TIPIN: variants seen among roughly 807,000 people sequenced by gnomAD.
TIPIN encodes the protein TIMELESS-interacting protein.
In TIPIN, 29 loss-of-function variants were observed where a neutral mutation model predicts 35.6. That is an observed-to-expected ratio of 0.82 (90% CI 0.61 to 1.11). The LOEUF (loss-of-function observed/expected upper bound fraction) is 1.11, where lower values mean the gene tolerates loss of function less well. Ranked by LOEUF, TIPIN falls within the 50% of genes most tolerant of loss-of-function variation. The probability of loss-of-function intolerance (pLI) is 0.00; values close to 1 mark genes in which losing one functional copy is unlikely to be tolerated. For synonymous variants in TIPIN, 102 were observed against 121.5 expected, an observed-to-expected ratio of 0.84 and a Z score of 1.06; for missense variants, 296 against 345.4, an observed-to-expected ratio of 0.86 and a Z score of 1.13.
At chr15:66,359,134 AGAGT>A (rs2093220067), upstream of TIPIN, among the ~76,000 whole-genome samples, 1 of 149,734 alleles carries the variant, frequency 6.7e-6, no homozygotes, top group Admixed American at 6.7e-5. Context: ...CCTGGGTAAC[AGAGT>A]GAGACCCTGT....
chr15:66,364,970 A>AAAAAAG (rs1555409818), intron 1 of TIPIN, among the ~76,000 whole-genome samples: 11 of 137,680 alleles, frequency 8.0e-5, no homozygotes, highest in Non-Finnish European at 1.1e-4. Context: ...CCATCTCAAA[A>AAAAAAG]AAAAAGAAAA....
At chr15:66,374,293 G>A (rs913544254) in intron 1 of TIPIN, among the ~76,000 whole-genome samples, 2 of 141,686 alleles carry the variant, frequency 1.4e-5, no homozygotes, top group East Asian at 1.9e-4. Flanking sequence ...CTTACACTGC[G>A]GTTTTAATTT....
chr15:66,346,958 AT>A (rs993127499), intron 6 of TIPIN, among the ~76,000 whole-genome samples: 9 of 151,676 alleles, frequency 5.9e-5, no homozygotes, highest in Non-Finnish European at 8.8e-5. Flanking sequence ...CACCCGGCTA[AT>A]TTTTTTTATT....
At chr15:66,365,708 G>A (rs535508297) in intron 1 of TIPIN, among the ~76,000 whole-genome samples, 10 of 152,080 alleles carry the variant, frequency 6.6e-5, no homozygotes, top group African/African-American at 1.2e-4. Flanking sequence ...CACCATGCCC[G>A]GCTAATTTTT....
chr15:66,369,681 C>G (rs1002507430), intron 1 of TIPIN, among the ~76,000 whole-genome samples: 1 of 152,182 alleles, frequency 6.6e-6, no homozygotes, highest in African/African-American at 2.4e-5. Context: ...GAACTCATGA[C>G]TATATGCCAT....
intron 1 of TIPIN, among the ~76,000 whole-genome samples, chr15:66,369,856 G>T (rs914567165): frequency 3.9e-5 from 6 of 152,244 alleles, no homozygotes; most frequent in Admixed American, 3.3e-4. Flanking sequence ...CCTGATCACT[G>T]TAGCTCAAAT....
At chr15:66,382,650 C>T (rs563137006) in intron 1 of TIPIN, among the ~76,000 whole-genome samples, 13 of 152,134 alleles carry the variant, frequency 8.5e-5, no homozygotes, top group Non-Finnish European at 7.3e-5. Flanking sequence ...GCTGGGATTA[C>T]GGGAGTGACA....
intron 4 of TIPIN, 134 bp downstream of exon 4, chr15:66,351,391 A>C: frequency 1.4e-6 from 1 of 713,280 alleles, no homozygotes; most frequent in Non-Finnish European, 2.5e-6. Flanking sequence ...CTAGTACATC[A>C]CAACTGTTTC....
intron 6 of TIPIN, chr15:66,347,245 A>G: frequency 1.9e-6 from 1 of 518,872 alleles, no homozygotes; most frequent in Non-Finnish European, 3.8e-6. Flanking sequence ...TGATAACTAT[A>G]CAGACCCTGT....
chr15:66,359,768 T>G (rs571051058), upstream of TIPIN, among the ~76,000 whole-genome samples: 5 of 152,194 alleles, frequency 3.3e-5, no homozygotes, highest in Non-Finnish European at 5.9e-5. Context: ...ACTAATAAAG[T>G]AAATGTAAAA....
upstream of TIPIN, among the ~76,000 whole-genome samples, chr15:66,359,168 C>CACAG (rs1430882916): frequency 8.7e-6 from 1 of 114,464 alleles, no homozygotes; most frequent in Non-Finnish European, 1.7e-5. Context: ...CACACACACA[C>CACAG]ACACAGACAC....
At chr15:66,374,703 C>A (rs1180994969) in intron 1 of TIPIN, among the ~76,000 whole-genome samples, 1 of 152,180 alleles carries the variant, frequency 6.6e-6, no homozygotes, top group African/African-American at 2.4e-5. Flanking sequence ...CCTCACCCTT[C>A]CAAGTAGCTG....
At chr15:66,379,630 A>T in intron 1 of TIPIN, 1 of 1,609,368 alleles carries the variant, frequency 6.2e-7, no homozygotes, top group East Asian at 2.2e-5. Flanking sequence ...AAGTAAGCAT[A>T]CACAGACCTC....
At chr15:66,381,549 G>A (rs2093318655) in intron 1 of TIPIN, among the ~76,000 whole-genome samples, 1 of 152,104 alleles carries the variant, frequency 6.6e-6, no homozygotes, top group South Asian at 2.1e-4. Flanking sequence ...TTCTTGTCCA[G>A]TATTTCATCA....
intron 1 of TIPIN, chr15:66,379,162 C>A: frequency 1.2e-6 from 1 of 855,576 alleles, no homozygotes; most frequent in Non-Finnish European, 1.7e-6. Context: ...ATGCTGGAAT[C>A]ACAGGCATGA....
chr15:66,365,139 T>G (rs2093248706), intron 1 of TIPIN, among the ~76,000 whole-genome samples: 1 of 151,620 alleles, frequency 6.6e-6, no homozygotes, highest in African/African-American at 2.4e-5. Context: ...AGATAAGAGG[T>G]CAACAGGACT....
At chr15:66,361,114 C>T (rs528307915), upstream of TIPIN, among the ~76,000 whole-genome samples, 13 of 148,366 alleles carry the variant, frequency 8.8e-5, no homozygotes, top group South Asian at 2.8e-3. Context: ...GCCCGGGCAA[C>T]AGAGCGAGAC....
At chr15:66,359,343 A>C (rs1425192550), upstream of TIPIN, among the ~76,000 whole-genome samples, 1 of 152,112 alleles carries the variant, frequency 6.6e-6, no homozygotes, top group Middle Eastern at 3.4e-3. Flanking sequence ...AATTAACATA[A>C]ATTTAGTTTT....
intron 4 of TIPIN, 112 bp downstream of exon 4, chr15:66,351,413 G>T: frequency 2.6e-6 from 2 of 773,482 alleles, no homozygotes; most frequent in South Asian, 3.1e-5. Flanking sequence ...CAAGACATAC[G>T]ACGACTAAGG....
Sources: gnomAD v4.1 joint callset for allele counts (sites outside exome capture counted in the v4.1 genomes callset) on GRCh38, gnomAD v4.1.1 for gene constraint, MANE v1.5 for transcripts, NCBI Gene and HGNC (gene_info 2026-07-23, HGNC 2026-07-21) for gene names.